Variants in PLPPR1 observed in about 807,000 individuals in gnomAD.
PLPPR1 encodes the protein phospholipid phosphatase-related protein type 1.
Under a neutral mutation model 33.1 loss-of-function variants are expected in PLPPR1, and 10 were observed. That is an observed-to-expected ratio of 0.30 (90% CI 0.19 to 0.51). The LOEUF (loss-of-function observed/expected upper bound fraction) is 0.51, where lower values mean the gene tolerates loss of function less well. Ranked by LOEUF, PLPPR1 falls within the 20% of genes least tolerant of loss-of-function variation. The pLI is 0.97. For missense variants in PLPPR1, 304 were observed against 408.1 expected (o/e 0.74, Z 2.20); for synonymous variants, 151 against 151.0 (o/e 1.00, Z 0.00).
intron 1 of PLPPR1, among the ~76,000 whole-genome samples, chr9:101,066,808 G>T (rs1384501802): frequency 6.6e-6 from 1 of 151,800 alleles, no homozygotes; most frequent in Non-Finnish European, 1.5e-5. Flanking sequence ...AAGGATTCCT[G>T]GTCCTTTAAT....
chr9:101,230,147 TATC>T (rs1398675161), intron 2 of PLPPR1, among the ~76,000 whole-genome samples: 2 of 152,280 alleles, frequency 1.3e-5, no homozygotes, highest in East Asian at 3.9e-4. Context: ...AATCCAGACA[TATC>T]ATATCTCATT....
intron 2 of PLPPR1, among the ~76,000 whole-genome samples, chr9:101,218,184 C>T (rs756185950): frequency 5.3e-4 from 81 of 152,112 alleles, no homozygotes; most frequent in Admixed American, 7.2e-4. Flanking sequence ...CAAGAATATG[C>T]TATCAATGTG....
chr9:101,186,267 T>C (rs1273619089), intron 2 of PLPPR1, among the ~76,000 whole-genome samples: 1 of 151,900 alleles, frequency 6.6e-6, no homozygotes, highest in Non-Finnish European at 1.5e-5. Context: ...AATAAGATGT[T>C]GATTTGCCAG....
intron 2 of PLPPR1, among the ~76,000 whole-genome samples, chr9:101,218,047 T>C (rs958336183): frequency 6.6e-6 from 1 of 152,130 alleles, no homozygotes; most frequent in Non-Finnish European, 1.5e-5. Context: ...AAATGCTATA[T>C]ACATGACTAG....
chr9:101,163,994 T>C (rs1825811978), intron 1 of PLPPR1, among the ~76,000 whole-genome samples: 1 of 152,206 alleles, frequency 6.6e-6, no homozygotes, highest in Non-Finnish European at 1.5e-5. Flanking sequence ...AGGACATGTA[T>C]CAGGGAGTCA....
At chr9:101,132,165 A>T (rs560672826) in intron 1 of PLPPR1, among the ~76,000 whole-genome samples, 13 of 152,200 alleles carry the variant, frequency 8.5e-5, no homozygotes, top group Non-Finnish European at 1.9e-4. Context: ...GTGCCTTCTC[A>T]GTGTCCCCTC....
chr9:101,131,865 G>A (rs1831318122), intron 1 of PLPPR1, among the ~76,000 whole-genome samples: 1 of 152,154 alleles, frequency 6.6e-6, no homozygotes, highest in Admixed American at 6.6e-5. Flanking sequence ...TGTGTGGTCT[G>A]GTGCCAGTTA....
intron 1 of PLPPR1, among the ~76,000 whole-genome samples, chr9:101,057,767 A>T (rs1208037492): frequency 6.6e-6 from 1 of 152,180 alleles, no homozygotes; most frequent in Non-Finnish European, 1.5e-5. Context: ...CCTGAAGAAC[A>T]TGCTTTAACC....
At chr9:101,268,979 C>T (rs569294205) in intron 2 of PLPPR1, among the ~76,000 whole-genome samples, 2 of 152,242 alleles carry the variant, frequency 1.3e-5, no homozygotes, top group South Asian at 2.1e-4. Flanking sequence ...CTAAGATATC[C>T]CCCAGCTTAA....
At chr9:101,039,576 A>C (rs2118415027) in intron 1 of PLPPR1, among the ~76,000 whole-genome samples, 1 of 152,292 alleles carries the variant, frequency 6.6e-6, no homozygotes, top group South Asian at 2.1e-4. Context: ...CTGCCGATAA[A>C]GACATACCTG....
chr9:101,129,325 T>C (rs1831286939), intron 1 of PLPPR1, among the ~76,000 whole-genome samples: 1 of 152,048 alleles, frequency 6.6e-6, no homozygotes, highest in Non-Finnish European at 1.5e-5. Flanking sequence ...AAAAAAAATG[T>C]TACCCATGCA....
intron 1 of PLPPR1, among the ~76,000 whole-genome samples, chr9:101,054,549 A>G (rs1288927733): frequency 1.3e-5 from 2 of 152,170 alleles, no homozygotes; most frequent in African/African-American, 4.8e-5. Context: ...TCCTGTCTTC[A>G]GCTGTGCTTT....
chr9:101,258,940 T>G (rs115717429), intron 2 of PLPPR1, among the ~76,000 whole-genome samples: 2,046 of 152,328 alleles, frequency 0.013, 45 homozygotes, highest in African/African-American at 0.047. Context: ...ACGTTTAACA[T>G]TCTTCTATGT....
intron 1 of PLPPR1, among the ~76,000 whole-genome samples, chr9:101,158,060 G>T (rs1183351767): frequency 6.6e-6 from 1 of 151,952 alleles, no homozygotes; most frequent in Non-Finnish European, 1.5e-5. Flanking sequence ...GCTTAAGGAA[G>T]ATGGTTTCTA....
intron 2 of PLPPR1, among the ~76,000 whole-genome samples, chr9:101,236,179 C>T (rs58478767): frequency 1.1e-3 from 164 of 151,742 alleles, no homozygotes; most frequent in African/African-American, 3.8e-3. Context: ...TTTTCCCTAG[C>T]AATAGAAAAC....
At chr9:101,108,320 T>G (rs1831004749) in intron 1 of PLPPR1, among the ~76,000 whole-genome samples, 1 of 152,150 alleles carries the variant, frequency 6.6e-6, no homozygotes, top group African/African-American at 2.4e-5. Context: ...AGTTGTCAGA[T>G]AGTAAGCATC....
At chr9:101,128,680 A>G (rs1831277144) in intron 1 of PLPPR1, among the ~76,000 whole-genome samples, 1 of 152,220 alleles carries the variant, frequency 6.6e-6, no homozygotes, top group African/African-American at 2.4e-5. Flanking sequence ...TTCTCTGCCT[A>G]AATCCATGTA....
At chr9:101,085,861 C>CGG (rs200287379) in intron 1 of PLPPR1, among the ~76,000 whole-genome samples, 5 of 151,248 alleles carry the variant, frequency 3.3e-5, no homozygotes, top group East Asian at 2.0e-4. Flanking sequence ...GGAAATGGAC[C>CGG]GGGGGGGGCT....
Position 101,242,253 on chromosome 9 carries a change from T to TC in PLPPR1, c.64-27627_64-27626insC, listed in dbSNP as rs1165402321. ...GGAGCTGGAATTCTTTTTTTTTTTTTTTCTCTGATATAGTCTCGGAAATCT... is the reference window on the plus strand; with the variant it reads ...GGAGCTGGAATTCTTTTTTTTTTTTTCTTCTCTGATATAGTCTCGGAAATCT... On this transcript the variant is annotated intron_variant, in intron 2 of 7. Coordinates refer to ENST00000374874, the MANE Select transcript of PLPPR1 (RefSeq NM_207299.2). Among the ~76,000 whole-genome samples the TC allele has an allele frequency of 2.0e-5, 3 of 151,712 alleles. No homozygotes were observed. In the East Asian group the frequency reaches 5.9e-4, roughly 30 times the overall value.
Sources: allele counts gnomAD v4.1 joint callset (sites outside exome capture counted in the v4.1 genomes callset), GRCh38; gene constraint gnomAD v4.1.1; transcripts MANE v1.5; gene names NCBI Gene and HGNC (gene_info 2026-07-23, HGNC 2026-07-21).